Variants in UMAD1 observed in about 807,000 individuals in gnomAD.
UMAD1 encodes UBAP1-MVB12-associated (UMA) domain containing 1, also known as UBAP1-MVB12-associated (UMA)-domain containing protein 1.
In UMAD1, 8 loss-of-function variants were observed where a neutral mutation model predicts 6.1. The observed-to-expected ratio is 1.30, with a 90% CI of 0.76 to 2.35. UMAD1 has a LOEUF of 2.35. Ranked by LOEUF, UMAD1 falls within the 30% of genes most tolerant of loss-of-function variation. The pLI is 0.00. For synonymous variants in UMAD1, 56 were observed against 31.4 expected (o/e 1.78, Z -2.61); for missense variants, 130 against 78.4 (o/e 1.66, Z -2.49).
chr7:7,676,676 T>C (rs1266591074), intron 2 of UMAD1, among the ~76,000 whole-genome samples: 7 of 152,176 alleles, frequency 4.6e-5, no homozygotes, highest in Non-Finnish European at 1.0e-4. Context: ...ACCCAAACTT[T>C]TTACTATTTA....
chr7:7,783,704 G>T (rs1389645463), intron 2 of UMAD1, among the ~76,000 whole-genome samples: 1 of 152,160 alleles, frequency 6.6e-6, no homozygotes, highest in Admixed American at 6.5e-5. Context: ...TTAAAAGAAA[G>T]TAGAAACAAA....
At chr7:7,732,535 A>G (rs559821124) in intron 2 of UMAD1, among the ~76,000 whole-genome samples, 2 of 152,326 alleles carry the variant, frequency 1.3e-5, no homozygotes, top group South Asian at 4.1e-4. Flanking sequence ...TGTGCCTAAG[A>G]CTTTAACATT....
rs1383254564 is a variant in UMAD1 at position 7,830,446 on chromosome 7, T to C, written c.156+28703T>C. ...TACTATATTGATTTTTTACCTCTAT[T>C]AGGTAAAAAATTATATGTTTTGGTT... On this transcript the variant is annotated intron_variant, in intron 3 of 3. Coordinates refer to ENST00000682710, the MANE Select transcript of UMAD1 (RefSeq NM_001302348.2). This position sits in a 1 kb window ranked among gnomAD's most constrained non-coding sequence, Gnocchi z 5.3. Among the ~76,000 whole-genome samples the C allele has an allele frequency of 6.6e-6, 1 of 152,144 alleles. No homozygotes were observed. The highest frequency in any genetic ancestry group is 1.5e-5 in the Non-Finnish European group (1 of 68,032).
At chr7:7,708,463 C>A (rs1269975699) in intron 2 of UMAD1, among the ~76,000 whole-genome samples, 1 of 152,148 alleles carries the variant, frequency 6.6e-6, no homozygotes, top group Non-Finnish European at 1.5e-5. Context: ...ATTTATTAGA[C>A]AGCATTTACC....
At chr7:7,842,871 A>G (rs1783709858) in intron 3 of UMAD1, among the ~76,000 whole-genome samples, 1 of 152,190 alleles carries the variant, frequency 6.6e-6, no homozygotes, top group African/African-American at 2.4e-5. Flanking sequence ...ATTGTTAAAA[A>G]GGTAGACAGT....
chr7:7,652,758 C>T (rs1785251626), intron 1 of UMAD1, among the ~76,000 whole-genome samples: 1 of 152,150 alleles, frequency 6.6e-6, no homozygotes, highest in Admixed American at 6.5e-5. Context: ...AAACAAATGA[C>T]TGAGTGTTAA....
At chr7:7,834,738 C>A (rs1783534236) in intron 3 of UMAD1, among the ~76,000 whole-genome samples, 1 of 152,140 alleles carries the variant, frequency 6.6e-6, no homozygotes, top group Non-Finnish European at 1.5e-5. Flanking sequence ...TCTTCAAATA[C>A]CATCACATCG....
intron 2 of UMAD1, among the ~76,000 whole-genome samples, chr7:7,784,724 AAT>A (rs1274216729): frequency 2.7e-5 from 4 of 149,868 alleles, no homozygotes; most frequent in Non-Finnish European, 5.9e-5. Flanking sequence ...ATATCATCTG[AAT>A]ATGTTTTACA....
intron 1 of UMAD1, among the ~76,000 whole-genome samples, chr7:7,654,918 A>AAT (rs1554309832): frequency 2.7e-5 from 4 of 148,506 alleles, no homozygotes; most frequent in African/African-American, 9.8e-5. Context: ...AAAAAAAAAA[A>AAT]TTTGTGATAT....
chr7:7,812,181 C>G (rs893604972), intron 3 of UMAD1, among the ~76,000 whole-genome samples: 11 of 152,170 alleles, frequency 7.2e-5, no homozygotes, highest in African/African-American at 2.7e-4. Context: ...TTCATTCACC[C>G]TAGCCAGTGA....
intron 2 of UMAD1, among the ~76,000 whole-genome samples, chr7:7,739,496 T>C (rs1781421531): frequency 6.6e-6 from 1 of 152,214 alleles, no homozygotes; most frequent in African/African-American, 2.4e-5. Flanking sequence ...TCTTGTGCAG[T>C]GTGGTTTGAC....
At chr7:7,644,126 T>A (rs913211161) in intron 1 of UMAD1, among the ~76,000 whole-genome samples, 7 of 152,190 alleles carry the variant, frequency 4.6e-5, no homozygotes, top group African/African-American at 9.7e-5. Context: ...TTCCCCCAAT[T>A]TGATGGATAT....
chr7:7,821,155 G>A (rs1003101887), intron 3 of UMAD1, among the ~76,000 whole-genome samples: 4 of 152,096 alleles, frequency 2.6e-5, no homozygotes, highest in Non-Finnish European at 5.9e-5. Context: ...ACATTAGGTA[G>A]TAATTAAAAC....
At position 7,802,482 on chromosome 7, in the gene UMAD1, T is replaced by G. The variant is rs1782823376; in HGVS notation, c.156+739T>G. Among the ~76,000 whole-genome samples, 3 of 152,268 alleles carry G rather than the reference T, an allele frequency of 2.0e-5. No homozygotes were observed. In the South Asian group the frequency reaches 6.2e-4, roughly 31 times the overall value. ...GTAGAAAAACTAGGGTATTTATTCT[T>G]TTTCACATGAGAAAACTATTTGCTC... On this transcript the variant is annotated intron_variant, in intron 3 of 3. Coordinates refer to ENST00000682710, the MANE Select transcript of UMAD1 (RefSeq NM_001302348.2).
intron 2 of UMAD1, among the ~76,000 whole-genome samples, chr7:7,731,870 G>A (rs7804204): frequency 0.18 from 27,032 of 151,988 alleles, 3,524 homozygotes; most frequent in African/African-American, 0.37. Context: ...GACACAGACT[G>A]GCTTTGAAGT....
rs954723432 is a variant in UMAD1 at position 7,729,176 on chromosome 7, A to G, written c.82+55723A>G. 3.9e-5 allele frequency among the ~76,000 whole-genome samples: 6 copies of G among 152,316 alleles called. No homozygotes were observed. In the Middle Eastern group the frequency reaches 0.01, roughly 259 times the overall value. ...TAATGGCTGTTTGGTGGGAGGGAAC[A>G]TAGCACATTTGGTGAGTGGGAAAAG... On this transcript the variant is annotated intron_variant, in intron 2 of 3. Transcript: ENST00000682710.
At chr7:7,760,190 C>A (rs371304707) in intron 2 of UMAD1, among the ~76,000 whole-genome samples, 1 of 151,996 alleles carries the variant, frequency 6.6e-6, no homozygotes, top group South Asian at 2.1e-4. Context: ...CCCAGCTGAA[C>A]CCAACTTTCT....
At chr7:7,777,467 C>T (rs1782234207) in intron 2 of UMAD1, among the ~76,000 whole-genome samples, 1 of 147,400 alleles carries the variant, frequency 6.8e-6, no homozygotes, top group Non-Finnish European at 1.5e-5. Flanking sequence ...GATTGAACCA[C>T]CGCACTCCAG....
chr7:7,715,212 C>T (rs528794753), intron 2 of UMAD1: 8 of 152,258 alleles, frequency 5.3e-5, no homozygotes, highest in Non-Finnish European at 1.0e-4. Flanking sequence ...GTCTTCACAT[C>T]CTTTTTCTGA....
Sources: gnomAD v4.1 joint callset for allele counts (sites outside exome capture counted in the v4.1 genomes callset) on GRCh38, gnomAD v4.1.1 for gene constraint, Gnocchi (gnomAD v3.1) non-coding constraint, MANE v1.5 for transcripts, NCBI Gene and HGNC (gene_info 2026-07-23, HGNC 2026-07-21) for gene names.